The following ITGB6 variants were observed in gnomAD, a reference collection of about 807,000 sequenced individuals.
ITGB6 encodes the protein integrin subunit beta 6.
A neutral mutation model predicts 84.5 loss-of-function variants in ITGB6; 80 were observed. That is an observed-to-expected ratio of 0.95 (90% CI 0.79 to 1.14). ITGB6 has a LOEUF of 1.14. Ranked by LOEUF, ITGB6 falls within the 50% of genes most tolerant of loss-of-function variation. The pLI, the probability that ITGB6 is intolerant of heterozygous loss-of-function variation, is 0.00. For missense variants in ITGB6, 1,006 were observed against 968.0 expected (o/e 1.04, Z -0.52); for synonymous variants, 383 against 354.9 (o/e 1.08, Z -0.89).
rs1165687023 is a variant in ITGB6 at position 160,137,423 on chromosome 2, A to C, written c.1660+11T>G. 3 of 1,595,310 alleles carry C rather than the reference A, an allele frequency of 1.9e-6. No homozygotes were observed. Among genetic ancestry groups the C allele is most frequent in the African/African-American group, 2.7e-5 (2 of 74,730 alleles). On this transcript the variant is annotated intron_variant, in intron 10 of 14. Coordinates refer to ENST00000283249, the MANE Select transcript of ITGB6 (RefSeq NM_000888.5). ...CAGCCACAGGGTAAGATGGATTTCA[A>C]CATAGCCTACCTCCGCAGAGCAGCC...
intron 4 of ITGB6, among the ~76,000 whole-genome samples, chr2:160,179,941 TACA>T (rs1685593630): frequency 4.6e-5 from 1 of 21,752 alleles, no homozygotes; most frequent in Admixed American, 5.7e-4. Flanking sequence ...CTACTAAAAA[TACA>T]AAAAAAAAAA....
intron 10 of ITGB6, 146 bp from the exon 11 acceptor site, chr2:160,126,747 G>C: frequency 1.5e-6 from 1 of 676,882 alleles, no homozygotes. Context: ...TGTGAGGGGT[G>C]CAGTATGAGT....
chr2:160,108,695 T>A (rs1396598928), intron 13 of ITGB6, among the ~76,000 whole-genome samples: 1 of 152,236 alleles, frequency 6.6e-6, no homozygotes, highest in Non-Finnish European at 1.5e-5. Flanking sequence ...TTCTGTGTTA[T>A]TAAATATTCT....
chr2:160,132,584 T>C (rs2105809967), intron 10 of ITGB6, among the ~76,000 whole-genome samples: 1 of 152,274 alleles, frequency 6.6e-6, no homozygotes, highest in East Asian at 1.9e-4. Context: ...AGCTGTCTGC[T>C]TACATAGTGT....
At chr2:160,189,479 T>C (rs1370143142) in intron 4 of ITGB6, among the ~76,000 whole-genome samples, 6 of 152,178 alleles carry the variant, frequency 3.9e-5, no homozygotes, top group East Asian at 1.9e-4. Context: ...ATATCCAGAA[T>C]CTACAATGAA....
At chr2:160,136,834 A>T (rs1683746159) in intron 10 of ITGB6, among the ~76,000 whole-genome samples, 2 of 146,550 alleles carry the variant, frequency 1.4e-5, no homozygotes, top group Admixed American at 1.4e-4. Context: ...TCTCACTCAT[A>T]GGTTGGAATT....
chr2:160,141,536 G>C (rs1574079233), intron 8 of ITGB6, among the ~76,000 whole-genome samples: 1 of 152,142 alleles, frequency 6.6e-6, no homozygotes, highest in African/African-American at 2.4e-5. Flanking sequence ...TTGTGTACTG[G>C]TGTTTTGGTG....
chr2:160,156,542 G>T (rs1189677393), intron 7 of ITGB6, among the ~76,000 whole-genome samples: 1 of 152,098 alleles, frequency 6.6e-6, no homozygotes, highest in Non-Finnish European at 1.5e-5. Context: ...AGTGGGCTCA[G>T]GGAACCCTCA....
At chr2:160,108,672 G>A (rs1284853528) in intron 13 of ITGB6, among the ~76,000 whole-genome samples, 1 of 152,114 alleles carries the variant, frequency 6.6e-6, no homozygotes, top group Non-Finnish European at 1.5e-5. Context: ...GTGGGTCTTG[G>A]ATAAGCCACC....
At chr2:160,190,141 G>T (rs1271043305) in intron 4 of ITGB6, among the ~76,000 whole-genome samples, 3 of 149,632 alleles carry the variant, frequency 2.0e-5, no homozygotes, top group African/African-American at 7.4e-5. Context: ...ACTCATGGAT[G>T]GGAATTGAAC....
chr2:160,194,552 C>G (rs35828013), intron 4 of ITGB6, among the ~76,000 whole-genome samples: 6,809 of 152,148 alleles, frequency 0.045, 198 homozygotes, highest in Middle Eastern at 0.11. Flanking sequence ...CTTACTTCCT[C>G]TGAGTATAGG....
chr2:160,115,424 A>G (rs1316953499), intron 12 of ITGB6, among the ~76,000 whole-genome samples: 1 of 152,198 alleles, frequency 6.6e-6, no homozygotes, highest in Non-Finnish European at 1.5e-5. Context: ...ACCTCTAGCA[A>G]ACTCCAACAG....
At chr2:160,120,405 A>G (rs1256554164) in intron 12 of ITGB6, among the ~76,000 whole-genome samples, 2 of 51,974 alleles carry the variant, frequency 3.8e-5, no homozygotes, top group East Asian at 7.5e-4. Context: ...TTCTCAGTAA[A>G]CTATCGCAAG....
intron 7 of ITGB6, among the ~76,000 whole-genome samples, chr2:160,165,446 C>T (rs1684967483): frequency 6.6e-6 from 1 of 152,118 alleles, no homozygotes; most frequent in Non-Finnish European, 1.5e-5. Flanking sequence ...TAAAACAAAA[C>T]AATAATAGAA....
chr2:160,140,468 T>G (rs965523092), intron 8 of ITGB6, among the ~76,000 whole-genome samples: 1 of 152,228 alleles, frequency 6.6e-6, no homozygotes, highest in African/African-American at 2.4e-5. Context: ...TAGTGTTTTC[T>G]AATCTGCTTA....
chr2:160,177,042 A>G (rs997837231), intron 4 of ITGB6, among the ~76,000 whole-genome samples: 1 of 152,154 alleles, frequency 6.6e-6, no homozygotes, highest in Non-Finnish European at 1.5e-5. Flanking sequence ...TCTTCCAAAA[A>G]AGTTTGTATC....
chr2:160,170,562 G>A lies in ITGB6; in HGVS notation c.922-1255C>T, dbSNP rs561698445. Among the ~76,000 whole-genome samples the A allele has an allele frequency of 3.3e-5, 5 of 152,276 alleles. No homozygotes were observed. In the South Asian group the frequency reaches 1.0e-3, roughly 32 times the overall value. ...CCAGGATCACACCACATAGTCCTTC[G>A]AAGGTGAGCGAAGCTGGTTTTCTAT... is the stretch of plus-strand genomic sequence containing the variant. On this transcript the variant is annotated intron_variant, in intron 6 of 14. Transcript: ENST00000283249.
intron 10 of ITGB6, among the ~76,000 whole-genome samples, chr2:160,136,833 T>A (rs902082971): frequency 1.1e-4 from 16 of 148,294 alleles, no homozygotes; most frequent in Non-Finnish European, 1.8e-4. Context: ...TTCTCACTCA[T>A]AGGTTGGAAT....
intron 7 of ITGB6, among the ~76,000 whole-genome samples, chr2:160,163,134 C>A (rs1684880713): frequency 6.6e-6 from 1 of 152,148 alleles, no homozygotes; most frequent in Non-Finnish European, 1.5e-5. Flanking sequence ...GCTTAAACAA[C>A]CCACGGGGCA....
Sources: allele counts gnomAD v4.1 joint callset (sites outside exome capture counted in the v4.1 genomes callset), GRCh38; gene constraint gnomAD v4.1.1; transcripts MANE v1.5; gene names NCBI Gene and HGNC (gene_info 2026-07-23, HGNC 2026-07-21).